GPR89B: variants seen among roughly 807,000 people sequenced by gnomAD.
GPR89B encodes G protein-coupled receptor 89B.
A neutral mutation model predicts 52.4 loss-of-function variants in GPR89B; 25 were observed. The ratio of observed to expected loss-of-function variants is 0.48; its 90% CI spans 0.35 to 0.67. GPR89B has a LOEUF of 0.67. Ranked by LOEUF, GPR89B falls within the 30% of genes least tolerant of loss-of-function variation. The pLI is 0.01. For synonymous variants in GPR89B, 52 were observed against 151.2 expected, an observed-to-expected ratio of 0.34 and a Z score of 4.81; for missense variants, 146 against 450.2, an observed-to-expected ratio of 0.32 and a Z score of 6.11.
chr1:147,964,099 T>A (rs1303561706), intron 7 of GPR89B, among the ~76,000 whole-genome samples: 3 of 151,934 alleles, frequency 2.0e-5, no homozygotes. Flanking sequence ...ATGTCCCGTA[T>A]TGTGACTCTA....
At chr1:147,985,065 G>A (rs1203256948) in intron 10 of GPR89B, among the ~76,000 whole-genome samples, 1 of 152,044 alleles carries the variant, frequency 6.6e-6, no homozygotes, top group African/African-American at 2.4e-5. Flanking sequence ...TTGAGAGAGG[G>A]GATCCAGCTA....
intron 7 of GPR89B, among the ~76,000 whole-genome samples, chr1:147,964,592 TTAAA>T (rs1656896660): frequency 6.6e-6 from 1 of 152,024 alleles, no homozygotes; most frequent in Admixed American, 6.5e-5. Flanking sequence ...TGTTACCTTC[TTAAA>T]TATATAATCA....
chr1:147,929,129 G>C (rs1440905350), intron 1 of GPR89B: 1 of 269,174 alleles, frequency 3.7e-6, no homozygotes, highest in African/African-American at 2.3e-5. Context: ...CTGACACCTC[G>C]TCCTTTATCC....
chr1:147,981,293 C>T (rs1658227365), intron 10 of GPR89B, among the ~76,000 whole-genome samples: 1 of 149,548 alleles, frequency 6.7e-6, no homozygotes, highest in Non-Finnish European at 1.5e-5. Context: ...CAAAGGGAAA[C>T]CCCATTCTTT....
chr1:147,953,211 TAATAATTAAAAGTTGG>T, intron 5 of GPR89B, 118 bp from the exon 6 acceptor site: 1 of 1,248,196 alleles, frequency 8.0e-7, no homozygotes, highest in Non-Finnish European at 1.1e-6. Context: ...ATCTACACAT[TAATAATTAAAAGTTGG>T]CTTGTATGAG....
At position 147,941,251 on chromosome 1, in the gene GPR89B, C is replaced by T. The variant is rs587773283; in HGVS notation, c.207-2187C>T. Among the ~76,000 whole-genome samples, 6 of 152,332 alleles carry T rather than the reference C, an allele frequency of 3.9e-5. No homozygotes were observed. In the South Asian group the frequency reaches 1.2e-3, roughly 32 times the overall value. ...TCTCAGCTCAAAAGACTAGTTAAAA[C>T]ATGTGGTTCACTTTTAATAGGCAGT... On this transcript the variant is annotated intron_variant, in intron 3 of 13. Coordinates refer to ENST00000314163, the MANE Select transcript of GPR89B (RefSeq NM_016334.5).
the GPR89B span, among the ~76,000 whole-genome samples, chr1:148,023,067 G>A: frequency 3.3e-5 from 5 of 151,812 alleles, 1 homozygote; most frequent in African/African-American, 4.9e-5. Context: ...CCAATAGCTA[G>A]TTTTTCAACC....
At chr1:147,981,121 C>A (rs1225676641) in intron 10 of GPR89B, among the ~76,000 whole-genome samples, 1 of 150,626 alleles carries the variant, frequency 6.6e-6, no homozygotes, top group African/African-American at 2.5e-5. Context: ...AGCCACTGTA[C>A]CCAGCCCTAG....
At chr1:147,937,022 G>A (rs1395718378) in intron 2 of GPR89B, among the ~76,000 whole-genome samples, 1 of 151,552 alleles carries the variant, frequency 6.6e-6, no homozygotes, top group East Asian at 1.9e-4. Context: ...GCCCTGAATT[G>A]CAAGCCTTAT....
intron 10 of GPR89B, among the ~76,000 whole-genome samples, chr1:147,982,973 T>C (rs1658385697): frequency 6.6e-6 from 1 of 151,922 alleles, no homozygotes; most frequent in Admixed American, 6.6e-5. Flanking sequence ...ATAAGAATGC[T>C]TGTGATTTTT....
chr1:147,988,861 CAAAA>C (rs1401100541), intron 12 of GPR89B, among the ~76,000 whole-genome samples: 2 of 130,782 alleles, frequency 1.5e-5, no homozygotes, highest in East Asian at 2.2e-4. Context: ...CACTCCATCT[CAAAA>C]AAAAAAAAAT....
At chr1:147,966,330 A>G (rs1342558133) in intron 7 of GPR89B, among the ~76,000 whole-genome samples, 55 of 151,128 alleles carry the variant, frequency 3.6e-4, no homozygotes, top group African/African-American at 1.2e-3. Context: ...CCAGTCCTCA[A>G]ATTTATTGCC....
chr1:147,962,135 G>A (rs1656623910), intron 7 of GPR89B, among the ~76,000 whole-genome samples: 2 of 151,756 alleles, frequency 1.3e-5, no homozygotes, highest in Non-Finnish European at 2.9e-5. Flanking sequence ...CAGAAATACC[G>A]ACACATGGCC....
At chr1:147,931,856 G>A (rs6664246) in intron 1 of GPR89B, among the ~76,000 whole-genome samples, 18 of 151,892 alleles carry the variant, frequency 1.2e-4, no homozygotes, top group Non-Finnish European at 2.4e-4. Flanking sequence ...CTGTTCTTGG[G>A]TTAATTTGCT....
chr1:147,940,542 G>A (rs2149041511), intron 3 of GPR89B, among the ~76,000 whole-genome samples: 1 of 152,228 alleles, frequency 6.6e-6, no homozygotes, highest in South Asian at 2.1e-4. Context: ...ATCTTTCACT[G>A]CTATTTAAGC....
At chr1:147,997,460 A>G (rs1659343385), downstream of GPR89B, among the ~76,000 whole-genome samples, 1 of 152,072 alleles carries the variant, frequency 6.6e-6, no homozygotes, top group Admixed American at 6.6e-5. Flanking sequence ...GGACTCTAAG[A>G]TCTACAGCCG....
chr1:148,013,367 T>C, the GPR89B span, among the ~76,000 whole-genome samples: 2 of 152,142 alleles, frequency 1.3e-5, no homozygotes, highest in East Asian at 3.8e-4. Flanking sequence ...CCCTGCTTTC[T>C]TCTGATGTTG....
intron 2 of GPR89B, 131 bp downstream of exon 2, chr1:147,936,817 T>A (rs1654130334): frequency 1.4e-5 from 11 of 762,780 alleles, no homozygotes; most frequent in Admixed American, 2.6e-5. Context: ...TATATAACTA[T>A]TAGATTGGAG....
At chr1:147,986,328 T>C in intron 11 of GPR89B, 34 bp downstream of exon 11, 1 of 1,610,026 alleles carries the variant, frequency 6.2e-7, no homozygotes, top group Non-Finnish European at 8.5e-7. Context: ...GTTTGTCATG[T>C]TTCTGTTTTA....
Sources: allele counts gnomAD v4.1 joint callset (sites outside exome capture counted in the v4.1 genomes callset), GRCh38; gene constraint gnomAD v4.1.1; transcripts MANE v1.5; gene names NCBI Gene and HGNC (gene_info 2026-07-23, HGNC 2026-07-21).